Variants in NRXN3 observed in about 807,000 individuals in gnomAD.
NRXN3 encodes the protein neurexin III.
Under a neutral mutation model 137.6 loss-of-function variants are expected in NRXN3, and 32 were observed. The observed-to-expected ratio is 0.23, with a 90% CI of 0.18 to 0.31. The LOEUF is 0.31. Among genes scored for constraint, NRXN3 ranks in the 10% least tolerant of loss-of-function variants. The pLI, the probability that NRXN3 is intolerant of heterozygous loss-of-function variation, is 1.00. For synonymous variants in NRXN3, 798 were observed against 784.5 expected, an observed-to-expected ratio of 1.02 and a Z score of -0.29; for missense variants, 1,574 against 2,062.5, an observed-to-expected ratio of 0.76 and a Z score of 4.59.
chr14:79,621,051 A>G (rs1308263686), intron 16 of NRXN3, among the ~76,000 whole-genome samples: 1 of 152,184 alleles, frequency 6.6e-6, no homozygotes, highest in Admixed American at 6.5e-5. Flanking sequence ...AGGAGTGATC[A>G]ACACTATCAA....
chr14:78,861,803 T>C (rs2099073107), intron 10 of NRXN3, among the ~76,000 whole-genome samples: 1 of 152,142 alleles, frequency 6.6e-6, no homozygotes, highest in African/African-American at 2.4e-5. Flanking sequence ...GTGTCAGTTA[T>C]CCACACAATT....
chr14:78,958,769 CAT>C (rs1485285641), intron 11 of NRXN3, among the ~76,000 whole-genome samples: 2 of 152,178 alleles, frequency 1.3e-5, no homozygotes, highest in Non-Finnish European at 2.9e-5. Flanking sequence ...TGGGGTATTA[CAT>C]GAAACACTGT....
At chr14:78,417,647 A>G (rs2093216193) in intron 4 of NRXN3, among the ~76,000 whole-genome samples, 1 of 152,184 alleles carries the variant, frequency 6.6e-6, no homozygotes, top group African/African-American at 2.4e-5. Flanking sequence ...GGTATTAGTA[A>G]ATTTATGAAA....
chr14:79,361,996 A>ATTATT (rs1555399871), intron 15 of NRXN3, among the ~76,000 whole-genome samples: 27 of 142,120 alleles, frequency 1.9e-4, no homozygotes, highest in African/African-American at 5.9e-4. Flanking sequence ...CTACTTTTAT[A>ATTATT]ATTATTATTA....
intron 4 of NRXN3, among the ~76,000 whole-genome samples, chr14:78,299,926 C>T (rs1279770960): frequency 6.6e-6 from 1 of 152,150 alleles, no homozygotes; most frequent in Non-Finnish European, 1.5e-5. Context: ...TTTTAAGTTG[C>T]AACTTGAAGT....
intron 5 of NRXN3, among the ~76,000 whole-genome samples, chr14:78,646,109 C>A (rs2097685546): frequency 6.6e-6 from 1 of 152,112 alleles, no homozygotes; most frequent in Non-Finnish European, 1.5e-5. Flanking sequence ...AAAAAGTCAA[C>A]TTTGGAGCAG....
chr14:78,928,050 C>G (rs973165972), intron 10 of NRXN3, among the ~76,000 whole-genome samples: 1 of 152,182 alleles, frequency 6.6e-6, no homozygotes, highest in Admixed American at 6.5e-5. Flanking sequence ...ATTCCACAAT[C>G]TCTCAGAGGC....
intron 11 of NRXN3, among the ~76,000 whole-genome samples, chr14:78,963,814 G>A (rs2099412616): frequency 6.6e-6 from 1 of 152,096 alleles, no homozygotes; most frequent in Non-Finnish European, 1.5e-5. Flanking sequence ...TTTAGAGACA[G>A]CATCTCGCTG....
intron 19 of NRXN3, among the ~76,000 whole-genome samples, chr14:79,749,448 G>A (rs1210598727): frequency 3.2e-5 from 4 of 124,404 alleles, no homozygotes; most frequent in African/African-American, 6.0e-5. Context: ...TTTTTTTTTT[G>A]TAGTGACAGG....
At chr14:78,533,541 C>T (rs1408778388) in intron 4 of NRXN3, among the ~76,000 whole-genome samples, 3 of 152,232 alleles carry the variant, frequency 2.0e-5, no homozygotes, top group South Asian at 4.1e-4. Flanking sequence ...CTTTTTGTTC[C>T]AACCATCATT....
At chr14:79,737,122 C>G (rs1287587962) in intron 19 of NRXN3, among the ~76,000 whole-genome samples, 1 of 152,180 alleles carries the variant, frequency 6.6e-6, no homozygotes, top group Non-Finnish European at 1.5e-5. Context: ...TCCTCAAAGA[C>G]AAAGTATAGA....
chr14:79,407,241 T>C (rs2095332147), intron 15 of NRXN3, among the ~76,000 whole-genome samples: 1 of 152,168 alleles, frequency 6.6e-6, no homozygotes, highest in South Asian at 2.1e-4. Context: ...TCCTTTACTT[T>C]CATGTGTGTG....
chr14:78,208,090 G>A (rs760216), intron 1 of NRXN3, among the ~76,000 whole-genome samples: 1 of 151,984 alleles, frequency 6.6e-6, no homozygotes, highest in African/African-American at 2.4e-5. Context: ...ATTTTCTCAC[G>A]TATAAAATGG....
rs2099038039 is a variant in NRXN3, at chr14:79,761,412, C to T, written c.4015-43700C>T. Among the ~76,000 whole-genome samples, 7 of 151,686 alleles carry T rather than the reference C, an allele frequency of 4.6e-5. No homozygotes were observed. The South Asian group carries it at 1.4e-3, about 31-fold the overall frequency. Reference sequence around the variant, plus strand: ...TTTTTTTCCAAACATCTGTTATACTCCAAAACCTTTCTCCTTAGGCCATGG... The same window carrying T: ...TTTTTTTCCAAACATCTGTTATACTTCAAAACCTTTCTCCTTAGGCCATGG... On this transcript the variant is annotated intron_variant, in intron 19 of 20. Transcript: ENST00000335750.
intron 6 of NRXN3, among the ~76,000 whole-genome samples, chr14:78,670,997 A>G (rs977303396): frequency 2.0e-5 from 3 of 152,224 alleles, no homozygotes; most frequent in African/African-American, 7.2e-5. Context: ...AGTTAAATTA[A>G]TTGAAATTGA....
intron 15 of NRXN3, among the ~76,000 whole-genome samples, chr14:79,217,732 C>T (rs533065973): frequency 2.0e-5 from 3 of 152,224 alleles, no homozygotes; most frequent in African/African-American, 4.8e-5. Flanking sequence ...CTCCCTCCCC[C>T]AGAAACACTG....
chr14:78,625,559 C>G (rs142750549), intron 4 of NRXN3, among the ~76,000 whole-genome samples: 2 of 152,152 alleles, frequency 1.3e-5, no homozygotes, highest in Non-Finnish European at 2.9e-5. Flanking sequence ...TTGGACTTAG[C>G]CTGGGTTGTC....
chr14:79,118,942 T>C (rs2054944603), intron 15 of NRXN3, among the ~76,000 whole-genome samples: 1 of 152,182 alleles, frequency 6.6e-6, no homozygotes, highest in Admixed American at 6.5e-5. Flanking sequence ...AGCGGATTCT[T>C]TCTTTTCTGA....
intron 15 of NRXN3, among the ~76,000 whole-genome samples, chr14:79,285,323 A>G (rs909130598): frequency 6.6e-6 from 1 of 152,240 alleles, no homozygotes; most frequent in Non-Finnish European, 1.5e-5. Context: ...TGAACTTATC[A>G]GCCCAAAGAA....
Sources: allele counts gnomAD v4.1 joint callset (sites outside exome capture counted in the v4.1 genomes callset), GRCh38; gene constraint gnomAD v4.1.1; transcripts MANE v1.5; gene names NCBI Gene and HGNC (gene_info 2026-07-23, HGNC 2026-07-21).